The following AGBL4 variants were observed in gnomAD, a reference collection of about 807,000 sequenced individuals.
The protein encoded by AGBL4 is cytosolic carboxypeptidase 6.
Under a neutral mutation model 66.4 loss-of-function variants are expected in AGBL4, and 58 were observed. The ratio of observed to expected loss-of-function variants is 0.87; its 90% CI spans 0.71 to 1.09. The LOEUF (loss-of-function observed/expected upper bound fraction) is 1.09. AGBL4 is among the 50% of genes least tolerant of loss of function. AGBL4 has a pLI of 0.00. For missense variants in AGBL4, 579 were observed against 631.0 expected (o/e 0.92, Z 0.88); for synonymous variants, 234 against 222.9 (o/e 1.05, Z -0.44).
intron 6 of AGBL4, among the ~76,000 whole-genome samples, chr1:48,681,145 G>A (rs1043380524): frequency 2.4e-4 from 36 of 152,078 alleles, no homozygotes; most frequent in Non-Finnish European, 1.5e-4. Flanking sequence ...TGGATCCTCT[G>A]GTATACTATC....
At chr1:48,614,212 A>G (rs141849050) in intron 9 of AGBL4, among the ~76,000 whole-genome samples, 1 of 152,190 alleles carries the variant, frequency 6.6e-6, no homozygotes, top group Non-Finnish European at 1.5e-5. Context: ...ATACACATTC[A>G]CCCAGAAGCA....
At chr1:49,723,117 T>A (rs1648738287) in intron 2 of AGBL4, among the ~76,000 whole-genome samples, 1 of 152,056 alleles carries the variant, frequency 6.6e-6, no homozygotes, top group African/African-American at 2.4e-5. Flanking sequence ...TCAATGACAA[T>A]CCCTGAAAAA....
At chr1:49,855,145 A>G (rs900054912) in intron 1 of AGBL4, among the ~76,000 whole-genome samples, 38 of 152,168 alleles carry the variant, frequency 2.5e-4, no homozygotes, top group Non-Finnish European at 1.0e-4. Context: ...CAGCATGAGA[A>G]TGAACTAACA....
At chr1:48,725,109 AAG>A (rs1230431775) in intron 6 of AGBL4, among the ~76,000 whole-genome samples, 2 of 152,204 alleles carry the variant, frequency 1.3e-5, no homozygotes, top group African/African-American at 4.8e-5. Flanking sequence ...GTTACTTAAG[AAG>A]AAATTTACTC....
At chr1:49,619,675 T>C (rs934195454) in intron 3 of AGBL4, among the ~76,000 whole-genome samples, 2 of 151,330 alleles carry the variant, frequency 1.3e-5, no homozygotes, top group Non-Finnish European at 3.0e-5. Flanking sequence ...AATCCTAAGC[T>C]AAAAAAAACA....
At chr1:48,694,824 A>C (rs983599698) in intron 6 of AGBL4, among the ~76,000 whole-genome samples, 3 of 150,494 alleles carry the variant, frequency 2.0e-5, no homozygotes, top group African/African-American at 7.4e-5. Flanking sequence ...ACCCCCAATA[A>C]CCCCCTCTAG....
At chr1:49,137,250 G>C (rs948558607) in intron 4 of AGBL4, among the ~76,000 whole-genome samples, 2 of 152,132 alleles carry the variant, frequency 1.3e-5, no homozygotes, top group Non-Finnish European at 2.9e-5. Context: ...TCATCTTCCT[G>C]AAACTAAATC....
chr1:49,130,333 C>G (rs998688265), intron 4 of AGBL4, among the ~76,000 whole-genome samples: 13 of 152,174 alleles, frequency 8.5e-5, no homozygotes, highest in Non-Finnish European at 1.8e-4. Context: ...TCCCATTTGT[C>G]AATTTTGGCT....
rs1016789473 is a variant in AGBL4, at chr1:49,544,054, C to T, written c.282+153259G>A. Reference sequence around the variant, plus strand: ...TGTAGCATGAATGACACTGTGCCTGCGCTGCCTTTTCTCCATCTCTACATA... The same window carrying T: ...TGTAGCATGAATGACACTGTGCCTGTGCTGCCTTTTCTCCATCTCTACATA... On this transcript the variant is annotated intron_variant, in intron 3 of 13. Coordinates refer to ENST00000371839, the MANE Select transcript of AGBL4 (RefSeq NM_032785.4). Among the ~76,000 whole-genome samples the T allele has an allele frequency of 1.4e-4, 22 of 152,162 alleles. 1 individual carries two copies. The highest frequency in any genetic ancestry group is 4.6e-4 in the African/African-American group (19 of 41,430).
intron 3 of AGBL4, among the ~76,000 whole-genome samples, chr1:49,563,635 A>T (rs1007453230): frequency 4.6e-5 from 7 of 152,202 alleles, no homozygotes; most frequent in Admixed American, 6.5e-5. Context: ...ATGTTGAACC[A>T]GCCTTGCATC....
At chr1:49,701,897 AC>A (rs767781039) in intron 2 of AGBL4, among the ~76,000 whole-genome samples, 1 of 152,176 alleles carries the variant, frequency 6.6e-6, no homozygotes, top group East Asian at 1.9e-4. Flanking sequence ...AGCAAATGTA[AC>A]TATACTTATA....
chr1:48,759,497 C>T (rs1557957860), intron 6 of AGBL4: 2 of 997,504 alleles, frequency 2.0e-6, no homozygotes, highest in East Asian at 5.7e-5. Flanking sequence ...GGGGAAGGGG[C>T]TTGCCCAAAG....
At chr1:49,874,865 T>G (rs1352850127) in intron 1 of AGBL4, among the ~76,000 whole-genome samples, 1 of 152,002 alleles carries the variant, frequency 6.6e-6, no homozygotes, top group African/African-American at 2.4e-5. Flanking sequence ...AGGGTACATG[T>G]GCACAATGTG....
chr1:49,529,165 G>T (rs2148811313), intron 3 of AGBL4, among the ~76,000 whole-genome samples: 1 of 152,216 alleles, frequency 6.6e-6, no homozygotes, highest in Middle Eastern at 3.4e-3. Flanking sequence ...ATGCAGTAAT[G>T]CTGAGAATAG....
At chr1:49,116,225 ATTT>A (rs542380123) in intron 4 of AGBL4, among the ~76,000 whole-genome samples, 4 of 151,952 alleles carry the variant, frequency 2.6e-5, no homozygotes, top group Admixed American at 6.6e-5. Context: ...TCTTTTTAAA[ATTT>A]TTTTATTATA....
intron 4 of AGBL4, among the ~76,000 whole-genome samples, chr1:49,240,193 A>G (rs1307328888): frequency 2.6e-5 from 4 of 152,098 alleles, no homozygotes; most frequent in Non-Finnish European, 5.9e-5. Flanking sequence ...AGGTGTACAT[A>G]CCTCTATCAC....
chr1:49,036,154 T>G (rs1196855844), intron 5 of AGBL4, among the ~76,000 whole-genome samples: 1 of 151,990 alleles, frequency 6.6e-6, no homozygotes, highest in African/African-American at 2.4e-5. Context: ...TTAAATCAAT[T>G]TTTTAAATAA....
At chr1:49,504,376 C>T (rs185165864) in intron 3 of AGBL4, among the ~76,000 whole-genome samples, 11 of 152,224 alleles carry the variant, frequency 7.2e-5, no homozygotes, top group Non-Finnish European at 1.6e-4. Flanking sequence ...GTCTGTTACA[C>T]ACATTTGATC....
At chr1:49,673,601 T>A (rs956781568) in intron 3 of AGBL4, among the ~76,000 whole-genome samples, 2 of 152,080 alleles carry the variant, frequency 1.3e-5, no homozygotes, top group Non-Finnish European at 2.9e-5. Flanking sequence ...CCTATAAACT[T>A]TTTTTAAATA....
Sources: gnomAD v4.1 joint callset for allele counts (sites outside exome capture counted in the v4.1 genomes callset) on GRCh38, gnomAD v4.1.1 for gene constraint, MANE v1.5 for transcripts, NCBI Gene and HGNC (gene_info 2026-07-23, HGNC 2026-07-21) for gene names.